TLE6: variants seen among roughly 807,000 people sequenced by gnomAD.
The protein encoded by TLE6 is transducin-like enhancer protein 6.
TLE6 carries 72 observed loss-of-function variants against 77.1 expected under a neutral mutation model. That is an observed-to-expected ratio of 0.93 (90% confidence interval 0.77 to 1.14). TLE6 has a LOEUF of 1.14. Among genes scored for constraint, TLE6 ranks in the 50% most tolerant of loss-of-function variants. The pLI is 0.00. For missense variants in TLE6, 843 were observed against 747.6 expected, an observed-to-expected ratio of 1.13 and a Z score of -1.49; for synonymous variants, 366 against 287.3, an observed-to-expected ratio of 1.27 and a Z score of -2.77.
At chr19:2,991,395 T>TATATATATATATATATAC in intron 13 of TLE6, among the ~76,000 whole-genome samples, 1 of 114,122 alleles carries the variant, frequency 8.8e-6, no homozygotes, top group South Asian at 2.8e-4. Context: ...TATATATATA[T>TATATATATATATATATAC]ACACACACAC....
intron 5 of TLE6, among the ~76,000 whole-genome samples, chr19:2,985,165 G>A (rs1253612338): frequency 6.6e-6 from 1 of 151,790 alleles, no homozygotes. Flanking sequence ...CAGGAGAATT[G>A]CTTTAACCCA....
intron 14 of TLE6, among the ~76,000 whole-genome samples, chr19:2,992,884 GATC>G (rs1181100864): frequency 4.1e-5 from 6 of 147,488 alleles, no homozygotes; most frequent in African/African-American, 1.5e-4. Context: ...CAAACACAGA[GATC>G]ATTAGAAATA....
Position 2,995,049 on chromosome 19 carries a change from C to G in TLE6, c.*45C>G, listed in dbSNP as rs1360064421. ...CCCACTCCGGCTCCTCTTTTCATCC[C>G]CCCCCTTCCCCCCCCCCAACAAGGG... On this transcript the variant is annotated 3_prime_UTR_variant, in exon 17 of 17. Transcript: ENST00000246112. 17 of 1,104,128 alleles carry G rather than the reference C, an allele frequency of 1.5e-5. No individual in the cohort carries two copies. Among genetic ancestry groups the G allele is most frequent in the Non-Finnish European group, 2.1e-5 (16 of 776,634 alleles). 68.4% of individuals were successfully genotyped at this position (1,104,128 alleles called of 1,614,324 possible).
chr19:2,979,937 C>G (rs1388018082), intron 2 of TLE6, among the ~76,000 whole-genome samples, 163 bp from the exon 3 acceptor site: 2 of 138,100 alleles, frequency 1.4e-5, no homozygotes. Flanking sequence ...GCACTCCAGC[C>G]TGGGCGACAG....
intron 12 of TLE6, 55 bp from the exon 13 acceptor site, chr19:2,989,480 G>A (rs1297509086): frequency 6.3e-7 from 1 of 1,584,042 alleles, no homozygotes; most frequent in South Asian, 1.2e-5. Flanking sequence ...AGGCAAAGCA[G>A]TCCAGGCAGA....
chr19:2,987,671 T>G, intron 8 of TLE6, 53 bp from the exon 9 acceptor site: 1 of 1,601,518 alleles, frequency 6.2e-7, no homozygotes, highest in South Asian at 1.1e-5. Context: ...TCCGAGGTCT[T>G]CTGGTCCTAA....
Position 2,989,768 on chromosome 19 carries a change from G to T in TLE6, c.1227G>T (p.Arg409=). 3 of 1,614,084 alleles carry T rather than the reference G, an allele frequency of 1.9e-6. No homozygotes were observed. The highest frequency in any genetic ancestry group is 2.5e-6 in the Non-Finnish European group (3 of 1,179,958). Residue 409 remains arginine, a synonymous_variant, in exon 13 of 17, where the codon CGG becomes CGT. Coordinates refer to ENST00000246112, the MANE Select transcript of TLE6 (RefSeq NM_001143986.2). ...GTGTGGTCAGGATCTGGGACCTGCG[G>T]GATCAGAGTGTGGTCAGGTGCGTTT... The part of the protein sequence containing the change: ...TSGVVRIWDL[R]DQSVVRDLKG...
chr19:2,979,487 TCTG>T (rs1390107664), intron 2 of TLE6, among the ~76,000 whole-genome samples: 1 of 151,726 alleles, frequency 6.6e-6, no homozygotes, highest in African/African-American at 2.4e-5. Context: ...CCTCAGGTGT[TCTG>T]CTCACCTCGG....
At chr19:2,992,808 T>G (rs74217971) in intron 14 of TLE6, among the ~76,000 whole-genome samples, 1,390 of 14,432 alleles carry the variant, frequency 0.096, 169 homozygotes, top group Non-Finnish European at 0.12. Flanking sequence ...GGGAGGCGGG[T>G]GGGGGGGGGG....
chr19:2,992,636 A>G (rs527829929), intron 14 of TLE6, among the ~76,000 whole-genome samples: 7 of 151,818 alleles, frequency 4.6e-5, no homozygotes, highest in Non-Finnish European at 1.0e-4. Context: ...TTAGCTGAGC[A>G]TGGTGGCACG....
Position 2,994,884 on chromosome 19 carries a change from A to G in TLE6, c.1615-16A>G. The G allele has an allele frequency of 1.3e-6, 2 of 1,544,416 alleles. No homozygotes were observed. Among genetic ancestry groups the G allele is most frequent in the Non-Finnish European group, 1.8e-6 (2 of 1,131,002 alleles). On this transcript the variant is annotated splice_polypyrimidine_tract_variant and intron_variant, in intron 16 of 16. Transcript: ENST00000246112. Reference sequence around the variant, plus strand: ...TGAGCCCTACCCCAGCTCACTGCCCACTGCCCCCCCTCCAGGTGCCTGAGA... The same window carrying G: ...TGAGCCCTACCCCAGCTCACTGCCCGCTGCCCCCCCTCCAGGTGCCTGAGA...
rs548562389 is a variant in TLE6, at chr19:2,995,063, C to A, written c.*59C>A. ...TCTTTTCATCCCCCCCCTTCCCCCC[C>A]CCCAACAAGGGGGACATGGTGGAGG... On this transcript the variant is annotated 3_prime_UTR_variant, in exon 17 of 17. Transcript: ENST00000246112. The A allele has an allele frequency of 6.5e-5, 67 of 1,028,360 alleles. No homozygotes were observed. The highest frequency in any genetic ancestry group is 4.7e-4 in the South Asian group (33 of 70,806). The allele number at this position is 1,028,360 out of a possible 1,614,324, so 63.7% of individuals were successfully genotyped here.
At chr19:2,982,452 T>C (rs10423222) in intron 5 of TLE6, among the ~76,000 whole-genome samples, 51,409 of 149,750 alleles carry the variant, frequency 0.34, 10,458 homozygotes, top group African/African-American at 0.57. Flanking sequence ...GCAGGAGAAT[T>C]GCTTGAACCC....
chr19:2,987,531 C>T, intron 8 of TLE6, 159 bp downstream of exon 8: 6 of 1,176,214 alleles, frequency 5.1e-6, no homozygotes, highest in Non-Finnish European at 7.4e-6. Flanking sequence ...GGAGGCTATA[C>T]TGGAGTAGCC....
intron 5 of TLE6, among the ~76,000 whole-genome samples, chr19:2,986,495 C>T (rs1265671145): frequency 6.6e-6 from 1 of 151,798 alleles, no homozygotes; most frequent in African/African-American, 2.4e-5. Context: ...GGGCAGATCA[C>T]CTGAGGTCAG....
Position 2,991,043 on chromosome 19 carries a change from T to TACATAC in TLE6, c.1245-799_1245-798insCATACA, listed in dbSNP as rs1484632172. On this transcript the variant is annotated intron_variant, in intron 13 of 16. Transcript: ENST00000246112. Reference sequence around the variant, plus strand: ...ATACATACATACATACATACATACATATATGTATACACACACACATATTAA... The same window carrying TACATAC: ...ATACATACATACATACATACATACATACATACATATGTATACACACACACATATTAA... Among the ~76,000 whole-genome samples the TACATAC allele has an allele frequency of 7.7e-3, 1,077 of 140,316 alleles. 10 individuals carry two copies. Among genetic ancestry groups the TACATAC allele is most frequent in the African/African-American group, 0.028 (996 of 35,162 alleles). The allele number at this position is 140,316 out of a possible 152,430, so 92.1% of individuals were successfully genotyped here.
intron 14 of TLE6, among the ~76,000 whole-genome samples, chr19:2,992,311 A>G (rs2145066104): frequency 1.3e-5 from 2 of 152,282 alleles, no homozygotes; most frequent in East Asian, 3.9e-4. Context: ...CGTCTCTACT[A>G]AAAATACAAA....
chr19:2,993,647 T>C, intron 15 of TLE6, 65 bp downstream of exon 15: 2 of 1,501,360 alleles, frequency 1.3e-6, no homozygotes, highest in Middle Eastern at 2.2e-4. Flanking sequence ...AGACCCCACC[T>C]AATGCCAGCT....
rs1051073942 is a variant in TLE6, at chr19:2,995,065, C to CG, written c.*61_*62insG. ...TTTTCATCCCCCCCCTTCCCCCCCCCCAACAAGGGGGACATGGTGGAGGGA... is the reference window on the plus strand; with the variant it reads ...TTTTCATCCCCCCCCTTCCCCCCCCCGCAACAAGGGGGACATGGTGGAGGGA... On this transcript the variant is annotated 3_prime_UTR_variant, in exon 17 of 17. Transcript: ENST00000246112. 2.5e-5 allele frequency: 26 copies of CG among 1,025,418 alleles called. No individual in the cohort carries two copies. The African/African-American group carries it at 3.3e-4, about 13-fold the overall frequency. 63.5% of individuals were successfully genotyped at this position (1,025,418 alleles called of 1,614,324 possible). A position where few individuals can be genotyped will look rare whatever the true frequency, so the allele number is the denominator to read the frequency against.
Sources: gnomAD v4.1 joint callset for allele counts (sites outside exome capture counted in the v4.1 genomes callset) on GRCh38, gnomAD v4.1.1 for gene constraint, MANE v1.5 for transcripts, NCBI Gene and HGNC (gene_info 2026-07-23, HGNC 2026-07-21) for gene names.